The following GRIK2 variants were observed in gnomAD, a reference collection of about 807,000 sequenced individuals.
The protein encoded by GRIK2 is glutamate ionotropic receptor kainate type subunit 2, also known as glutamate receptor ionotropic, kainate 2.
GRIK2 carries 32 observed loss-of-function variants against 100.3 expected under a neutral mutation model. That is an observed-to-expected ratio of 0.32 (90% CI 0.24 to 0.43). GRIK2 has a LOEUF of 0.43. Among genes scored for constraint, GRIK2 ranks in the 20% least tolerant of loss-of-function variants. The pLI is 1.00. For missense variants in GRIK2, 843 were observed against 1,114.9 expected (o/e 0.76, Z 3.47); for synonymous variants, 417 against 389.4 (o/e 1.07, Z -0.83).
chr6:101,926,195 G>GTTTTTT (rs35007201), intron 13 of GRIK2, among the ~76,000 whole-genome samples: 1 of 127,582 alleles, frequency 7.8e-6, no homozygotes, highest in African/African-American at 3.0e-5. Context: ...GGGTCCAAGG[G>GTTTTTT]TTTTTTTTTT....
chr6:102,021,808 G>C (rs1183437773), intron 14 of GRIK2, among the ~76,000 whole-genome samples: 2 of 151,252 alleles, frequency 1.3e-5, no homozygotes, highest in African/African-American at 4.8e-5. Context: ...TTTCTTTAAA[G>C]TGTCCTTGAA....
At chr6:101,524,580 C>T (rs1775052407) in intron 2 of GRIK2, among the ~76,000 whole-genome samples, 1 of 152,076 alleles carries the variant, frequency 6.6e-6, no homozygotes, top group Non-Finnish European at 1.5e-5. Flanking sequence ...CCAAGGCCCA[C>T]ATAGTGTGAT....
intron 7 of GRIK2, among the ~76,000 whole-genome samples, chr6:101,729,379 C>G (rs1775096936): frequency 6.6e-6 from 1 of 151,920 alleles, no homozygotes; most frequent in Admixed American, 6.6e-5. Context: ...CAGATTTATA[C>G]AAAGCTTGCC....
intron 2 of GRIK2, among the ~76,000 whole-genome samples, chr6:101,425,021 A>G (rs1776628099): frequency 6.6e-6 from 1 of 152,136 alleles, no homozygotes; most frequent in Non-Finnish European, 1.5e-5. Flanking sequence ...GTGCCACAAT[A>G]AACATACATG....
intron 13 of GRIK2, among the ~76,000 whole-genome samples, chr6:101,926,979 T>C (rs1789943198): frequency 6.6e-6 from 1 of 152,206 alleles, no homozygotes; most frequent in Non-Finnish European, 1.5e-5. Context: ...AGGCAGCCAA[T>C]GCTGCTCATC....
chr6:101,413,551 T>C (rs1388785733), intron 2 of GRIK2, among the ~76,000 whole-genome samples: 1 of 152,144 alleles, frequency 6.6e-6, no homozygotes, highest in African/African-American at 2.4e-5. Flanking sequence ...AAAATTTATC[T>C]AAAACATGCT....
In GRIK2 at chr6:101,471,055, A is replaced by C. The variant is rs1002540462; in HGVS notation, c.115+71663A>C. Reference sequence around the variant, plus strand: ...GCAAAATAATAACTATGGTTTTATCAGTTCCACATTTTCACTTTTTTCTCT... The same window carrying C: ...GCAAAATAATAACTATGGTTTTATCCGTTCCACATTTTCACTTTTTTCTCT... On this transcript the variant is annotated intron_variant, in intron 2 of 16. Coordinates refer to ENST00000369134, the MANE Select transcript of GRIK2 (RefSeq NM_021956.5). Among the ~76,000 whole-genome samples the C allele has an allele frequency of 3.9e-5, 6 of 152,100 alleles. No individual in the cohort carries two copies. The East Asian group carries it at 1.2e-3, about 29-fold the overall frequency.
intron 2 of GRIK2, among the ~76,000 whole-genome samples, chr6:101,513,980 C>G (rs1276443757): frequency 1.3e-5 from 2 of 151,806 alleles, no homozygotes; most frequent in East Asian, 3.9e-4. Context: ...TCTTTGGAAA[C>G]AAATCAACAA....
chr6:101,589,873 G>T (rs1455911830), intron 2 of GRIK2, among the ~76,000 whole-genome samples: 1 of 152,054 alleles, frequency 6.6e-6, no homozygotes, highest in African/African-American at 2.4e-5. Flanking sequence ...CTCAAGAATT[G>T]TGGGTAACTG....
chr6:101,686,115 T>G, intron 6 of GRIK2, 65 bp from the exon 7 acceptor site: 1 of 1,352,094 alleles, frequency 7.4e-7, no homozygotes, highest in Non-Finnish European at 1.0e-6. Flanking sequence ...AGTGACTATT[T>G]CAGTAATACA....
intron 11 of GRIK2, among the ~76,000 whole-genome samples, chr6:101,883,043 A>G (rs1000958349): frequency 6.6e-6 from 1 of 151,948 alleles, no homozygotes; most frequent in African/African-American, 2.4e-5. Flanking sequence ...ATATGATCCC[A>G]GTATTAACCA....
Position 101,503,804 on chromosome 6 carries a change from G to A in GRIK2, c.115+104412G>A, listed in dbSNP as rs752841944. ...GTTTGACCTTGCTTAGGACCTTTTT[G>A]CCAACCAAACTCTATGCCTTCTTCC... On this transcript the variant is annotated intron_variant, in intron 2 of 16. Coordinates refer to ENST00000369134, the MANE Select transcript of GRIK2 (RefSeq NM_021956.5). 7.2e-5 allele frequency among the ~76,000 whole-genome samples: 11 copies of A among 151,938 alleles called. No homozygotes were observed. The East Asian group carries it at 7.7e-4, about 11-fold the overall frequency.
intron 2 of GRIK2, among the ~76,000 whole-genome samples, chr6:101,565,726 G>A (rs7742709): frequency 0.3 from 45,389 of 150,906 alleles, 7,331 homozygotes; most frequent in East Asian, 0.43. Flanking sequence ...ACAATGCAGG[G>A]GATAGGGGTG....
chr6:101,600,563 A>T (rs191299081), intron 2 of GRIK2, among the ~76,000 whole-genome samples: 2 of 151,806 alleles, frequency 1.3e-5, no homozygotes, highest in East Asian at 1.9e-4. Flanking sequence ...TGTTTGTGTC[A>T]CCTGTGGTTT....
chr6:101,828,368 A>T (rs1001713532), intron 10 of GRIK2, among the ~76,000 whole-genome samples: 7 of 151,976 alleles, frequency 4.6e-5, no homozygotes, highest in African/African-American at 1.4e-4. Flanking sequence ...ACCTAAAGGA[A>T]CTAGAAAAAC....
At position 101,823,548 on chromosome 6, in the gene GRIK2, C is replaced by G. The variant is rs529744372; in HGVS notation, c.1317+5065C>G. Among the ~76,000 whole-genome samples the G allele has an allele frequency of 2.0e-5, 3 of 151,594 alleles. No individual in the cohort carries two copies. In the South Asian group the frequency reaches 6.2e-4, roughly 31 times the overall value. On this transcript the variant is annotated intron_variant, in intron 10 of 16. Coordinates refer to ENST00000369134, the MANE Select transcript of GRIK2 (RefSeq NM_021956.5). The stretch of plus-strand genomic sequence containing the variant: ...AAATTCTCTGTTTTTTTGTGTTTAT[C>G]GTTATTAATGGAACTAGAACTATTA...
chr6:101,782,782 T>A (rs1779176989), intron 7 of GRIK2, among the ~76,000 whole-genome samples: 1 of 152,114 alleles, frequency 6.6e-6, no homozygotes, highest in Non-Finnish European at 1.5e-5. Flanking sequence ...GTGAGCACCA[T>A]GCTATTTTCC....
chr6:101,788,329 A>G (rs1165237442), intron 7 of GRIK2, among the ~76,000 whole-genome samples: 1 of 151,954 alleles, frequency 6.6e-6, no homozygotes, highest in Non-Finnish European at 1.5e-5. Context: ...ATTTAGCATT[A>G]GGTATATCTC....
intron 2 of GRIK2, among the ~76,000 whole-genome samples, chr6:101,608,811 GTGTATGTATGTA>G (rs1356943995): frequency 1.0e-5 from 1 of 98,126 alleles, no homozygotes; most frequent in African/African-American, 3.9e-5. Context: ...GTGTGTGTGT[GTGTATGTATGTA>G]TGTGTGTGTG....
Sources: gnomAD v4.1 joint callset for allele counts (sites outside exome capture counted in the v4.1 genomes callset) on GRCh38, gnomAD v4.1.1 for gene constraint, MANE v1.5 for transcripts, NCBI Gene and HGNC (gene_info 2026-07-23, HGNC 2026-07-21) for gene names.